POMT1: variants seen among roughly 807,000 people sequenced by gnomAD.
POMT1 encodes the protein protein O-mannosyltransferase 1, also known as protein O-mannosyl-transferase 1.
In POMT1, 85 loss-of-function variants were observed where a neutral mutation model predicts 101.6. The ratio of observed to expected loss-of-function variants is 0.84; its 90% CI spans 0.70 to 1.00. POMT1 has a LOEUF of 1.00. POMT1 is among the 50% of genes least tolerant of loss of function. The probability of loss-of-function intolerance (pLI) is 0.00; values close to 1 mark genes in which losing one functional copy is unlikely to be tolerated. For synonymous variants in POMT1, 371 were observed against 383.0 expected (o/e 0.97, Z 0.37); for missense variants, 857 against 930.4 (o/e 0.92, Z 1.03).
Position 131,511,822 on chromosome 9 carries a change from A to G in POMT1, c.987-219A>G. The G allele has an allele frequency of 6.7e-6, 4 of 599,582 alleles. No homozygotes were observed. In the South Asian group the frequency reaches 8.0e-5, roughly 12 times the overall value. The allele number at this position is 599,582 out of a possible 1,614,324, so 37.1% of individuals were successfully genotyped here. On this transcript the variant is annotated intron_variant, in intron 10 of 19. Transcript: ENST00000402686. ...TCCCTTTGCAGAAACTTTAGGAGAA[A>G]GGCGTGTGGGCCCGATCGATGACCC...
chr9:131,514,549 T>C (rs771350609), intron 12 of POMT1, among the ~76,000 whole-genome samples: 1 of 152,246 alleles, frequency 6.6e-6, no homozygotes, highest in African/African-American at 2.4e-5. Context: ...GATGGCTGTT[T>C]CCCAGAGGGC....
At chr9:131,513,213 G>T (rs778083412) in intron 11 of POMT1, 26 bp from the exon 12 acceptor site, 1 of 1,599,728 alleles carries the variant, frequency 6.3e-7, no homozygotes, top group South Asian at 1.1e-5. Context: ...GGCTCTGTGT[G>T]GTCCCGACAG....
chr9:131,504,926 C>T (rs1311469066), intron 2 of POMT1, among the ~76,000 whole-genome samples: 1 of 151,664 alleles, frequency 6.6e-6, no homozygotes, highest in Admixed American at 6.6e-5. Context: ...TACAGGTGCC[C>T]GCCACCACAC....
At chr9:131,509,427 A>G (rs1356492408) in intron 6 of POMT1, among the ~76,000 whole-genome samples, 1 of 152,220 alleles carries the variant, frequency 6.6e-6, no homozygotes, top group African/African-American at 2.4e-5. Context: ...TGGGGATTAC[A>G]GGTGTGAGCC....
intron 5 of POMT1, 151 bp downstream of exon 5, chr9:131,507,665 C>A: frequency 8.7e-7 from 1 of 1,151,492 alleles, no homozygotes; most frequent in Non-Finnish European, 1.2e-6. Flanking sequence ...CGCTCCCAGG[C>A]TGACCCCGTG....
chr9:131,520,855 A>G (rs1211758146), intron 17 of POMT1, among the ~76,000 whole-genome samples: 3 of 152,112 alleles, frequency 2.0e-5, no homozygotes, highest in African/African-American at 4.8e-5. Context: ...GTGAGAGAGA[A>G]AGAGAGAGAC....
Position 131,510,386 on chromosome 9 carries a change from A to G in POMT1, c.826A>G (p.Met276Val). ...CCGCTCTGGGCCCCACGACCAAATC[A>G]TGTCCAGTGCCTTCCAGGCCAGCTT... is the stretch of plus-strand genomic sequence containing the variant. ...VFRSGPHDQI[M>V]SSAFQASLEG... The change falls in exon 9 of 20, where the codon ATG becomes GTG. Residue 276 changes from methionine to valine, a missense_variant. By Grantham distance (21) the Met-to-Val change is conservative. Coordinates refer to ENST00000402686, the MANE Select transcript of POMT1 (RefSeq NM_001077365.2). 5 of 1,614,172 alleles carry G rather than the reference A, an allele frequency of 3.1e-6. No homozygotes were observed. Among genetic ancestry groups the G allele is most frequent in the African/African-American group, 1.3e-5 (1 of 75,030 alleles).
intron 13 of POMT1, among the ~76,000 whole-genome samples, chr9:131,516,191 A>AT: frequency 7.2e-6 from 1 of 139,388 alleles, no homozygotes. Context: ...CCTCTAACAC[A>AT]GGACACTTCC....
chr9:131,512,699 C>T (rs968973638), intron 11 of POMT1, among the ~76,000 whole-genome samples: 1 of 152,082 alleles, frequency 6.6e-6, no homozygotes, highest in African/African-American at 2.4e-5. Flanking sequence ...GCAACCTCCG[C>T]TTCCCGGGTT....
At chr9:131,511,028 G>T in intron 9 of POMT1, 1 of 316,116 alleles carries the variant, frequency 3.2e-6, no homozygotes, top group African/African-American at 2.1e-5. Flanking sequence ...CCCTAGTCTT[G>T]GTTTTCTCAT....
rs1225249411 is a variant in POMT1 at position 131,509,101 on chromosome 9, C to CT, written c.539+86dup. 12 of 1,046,976 alleles carry CT rather than the reference C, an allele frequency of 1.1e-5. No homozygotes were observed. In the East Asian group the frequency reaches 2.4e-4, roughly 21 times the overall value. 64.9% of individuals were successfully genotyped at this position (1,046,976 alleles called of 1,614,324 possible). A position where few individuals can be genotyped will look rare whatever the true frequency, so the allele number is the denominator to read the frequency against. ...TTGTTGATCTGAGATGGTCCAGTAC[C>CT]TTTTTTTGTTTCGTTTTGTGAGACA... On this transcript the variant is annotated intron_variant, in intron 6 of 19. Coordinates refer to ENST00000402686, the MANE Select transcript of POMT1 (RefSeq NM_001077365.2).
rs537823757 is a variant in POMT1, at chr9:131,505,738, CAT to C, written c.123-375_123-374del. On this transcript the variant is annotated intron_variant, in intron 2 of 19. Coordinates refer to ENST00000402686, the MANE Select transcript of POMT1 (RefSeq NM_001077365.2). ...TCATTGGGTCATCGCTAGCCACAGA[CAT>C]GTGCTGCTGGTGGGGGCGGGGGTGG... 4.5e-3 allele frequency among the ~76,000 whole-genome samples: 490 copies of C among 109,504 alleles called. 2 individuals are homozygous for C. Among genetic ancestry groups the C allele is most frequent in the African/African-American group, 0.016 (462 of 28,308 alleles). 71.8% of individuals were successfully genotyped at this position (109,504 alleles called of 152,430 possible).
rs986944520 is a variant in POMT1 at position 131,522,459 on chromosome 9, C to A, written c.2003+235C>A. 5.0e-6 allele frequency: 4 copies of A among 801,318 alleles called. No homozygotes were observed. The highest frequency in any genetic ancestry group is 5.6e-5 in the Admixed American group (2 of 35,514). 49.6% of individuals were successfully genotyped at this position (801,318 alleles called of 1,614,324 possible). ...GATGAAAGCGGAGTGGGTGGGGAGACGGGGAGGGGATGAAGAGATGTGGGT... is the reference window on the plus strand; with the variant it reads ...GATGAAAGCGGAGTGGGTGGGGAGAAGGGGAGGGGATGAAGAGATGTGGGT... On this transcript the variant is annotated intron_variant, in intron 19 of 19. Transcript: ENST00000402686. The surrounding 1 kb of genome is among the most constrained non-coding windows in gnomAD (Gnocchi z 5.5).
chr9:131,511,170 T>G, intron 9 of POMT1, 167 bp from the exon 10 acceptor site: 1 of 751,800 alleles, frequency 1.3e-6, no homozygotes. Flanking sequence ...CTCATTATGG[T>G]TCTATAATGT....
In POMT1 at chr9:131,522,834, C is replaced by CG; in HGVS notation, c.2004-92dup. 2.3e-6 allele frequency: 3 copies of CG among 1,295,480 alleles called. No homozygotes were observed. The highest frequency in any genetic ancestry group is 2.0e-5 in the Admixed American group (1 of 50,598). The allele number at this position is 1,295,480 out of a possible 1,614,324, so 80.2% of individuals were successfully genotyped here. ...AACCTGAAGGCAGAACCCCAGGCCT[C>CG]GGGGGGTGACCGTGTGGACAGCAGA... On this transcript the variant is annotated intron_variant, in intron 19 of 19. Coordinates refer to ENST00000402686, the MANE Select transcript of POMT1 (RefSeq NM_001077365.2). The surrounding 1 kb of genome is among the most constrained non-coding windows in gnomAD (Gnocchi z 5.5).
In POMT1 at chr9:131,509,048, G is replaced by C. The variant is rs549869916; in HGVS notation, c.539+26G>C. On this transcript the variant is annotated intron_variant, in intron 6 of 19. Transcript: ENST00000402686. ...GTATGGAAAATGGAGTGTCTTCCTA[G>C]TTAACGAGAACAGAGATTCTGGGTG... The C allele has an allele frequency of 1.3e-5, 19 of 1,509,312 alleles. No individual in the cohort carries two copies. In the Admixed American group the frequency reaches 2.8e-4, roughly 23 times the overall value. The allele number at this position is 1,509,312 out of a possible 1,614,324, so 93.5% of individuals were successfully genotyped here.
Position 131,515,467 on chromosome 9 carries a change from T to C in POMT1, c.1217T>C (p.Val406Ala). 6.2e-7 allele frequency: 1 copy of C among 1,614,084 alleles called. No individual in the cohort carries two copies. The highest frequency in any genetic ancestry group is 1.1e-5 in the South Asian group (1 of 91,078). The change falls in exon 13 of 20, where the codon GTC (valine) becomes GCC (alanine). Residue 406 changes from valine (V) to alanine (A), a missense_variant. Coordinates refer to ENST00000402686, the MANE Select transcript of POMT1 (RefSeq NM_001077365.2). ...CCCCTGAGCCCCCATTCACAGGAGG[T>C]CTCCTGCTACATTGACTATAACATC... is the stretch of plus-strand genomic sequence containing the variant. Reference protein sequence around the residue: ...AAPLSPHSQEVSCYIDYNISM... With the variant: ...AAPLSPHSQEASCYIDYNISM...
In POMT1 at chr9:131,519,204, G is replaced by A. The variant is rs1370356551; in HGVS notation, c.1487-185G>A. 5.3e-5 allele frequency among the ~76,000 whole-genome samples: 8 copies of A among 152,188 alleles called. No individual in the cohort carries two copies. Among genetic ancestry groups the A allele is most frequent in the Non-Finnish European group, 5.9e-5 (4 of 68,030 alleles). On this transcript the variant is annotated intron_variant, in intron 15 of 19. Transcript: ENST00000402686. The surrounding 1 kb of genome is among the most constrained non-coding windows in gnomAD (Gnocchi z 4.3). Reference sequence around the variant, plus strand: ...GTGCAAGTGGAGCTTTCTCAGGGTCGAAATCACCTCATTTGACCGGGCAGT... The same window carrying A: ...GTGCAAGTGGAGCTTTCTCAGGGTCAAAATCACCTCATTTGACCGGGCAGT...
Position 131,523,214 on chromosome 9 carries a change from C to G in POMT1, c.*108C>G, listed in dbSNP as rs1312792726. 7.1e-7 allele frequency: 1 copy of G among 1,401,254 alleles called. No homozygotes were observed. The highest frequency in any genetic ancestry group is 9.8e-7 in the Non-Finnish European group (1 of 1,022,704). The allele number at this position is 1,401,254 out of a possible 1,614,324, so 86.8% of individuals were successfully genotyped here. A position where few individuals can be genotyped will look rare whatever the true frequency, so the allele number is the denominator to read the frequency against. Reference sequence around the variant, plus strand: ...GGGCCCCACGCTGGGAGGACACGGGCTGGGCTGAGCAGGGCCTCTAGTGGA... The same window carrying G: ...GGGCCCCACGCTGGGAGGACACGGGGTGGGCTGAGCAGGGCCTCTAGTGGA... On this transcript the variant is annotated 3_prime_UTR_variant, in exon 20 of 20. Coordinates refer to ENST00000402686, the MANE Select transcript of POMT1 (RefSeq NM_001077365.2).
Sources: allele counts gnomAD v4.1 joint callset (sites outside exome capture counted in the v4.1 genomes callset), GRCh38; gene constraint gnomAD v4.1.1; non-coding constraint Gnocchi (gnomAD v3.1); transcripts MANE v1.5; gene names NCBI Gene and HGNC (gene_info 2026-07-23, HGNC 2026-07-21).